PLCB1: variants seen among roughly 807,000 people sequenced by gnomAD.
The protein encoded by PLCB1 is 1-phosphatidylinositol 4,5-bisphosphate phosphodiesterase beta-1.
Under a neutral mutation model 161.8 loss-of-function variants are expected in PLCB1, and 46 were observed. That is an observed-to-expected ratio of 0.28 (90% CI 0.22 to 0.36). The LOEUF is 0.36. Among genes scored for constraint, PLCB1 ranks in the 10% least tolerant of loss-of-function variants. The pLI, the probability that PLCB1 is intolerant of heterozygous loss-of-function variation, is 1.00. For synonymous variants in PLCB1, 517 were observed against 503.7 expected, an observed-to-expected ratio of 1.03 and a Z score of -0.35; for missense variants, 1,016 against 1,472.5, an observed-to-expected ratio of 0.69 and a Z score of 5.07.
chr20:8,607,992 C>A (rs1987804930), intron 3 of PLCB1, among the ~76,000 whole-genome samples: 1 of 151,966 alleles, frequency 6.6e-6, no homozygotes, highest in South Asian at 2.1e-4. Context: ...ATGTTGTACA[C>A]CATATATATA....
intron 2 of PLCB1, among the ~76,000 whole-genome samples, chr20:8,158,112 C>T (rs540972511): frequency 5.3e-5 from 8 of 152,254 alleles, no homozygotes; most frequent in South Asian, 2.1e-4. Flanking sequence ...AAAAATGGTT[C>T]GAGCCATTGG....
chr20:8,680,500 A>C (rs1990186101), intron 9 of PLCB1, among the ~76,000 whole-genome samples: 1 of 152,166 alleles, frequency 6.6e-6, no homozygotes, highest in Non-Finnish European at 1.5e-5. Context: ...TTAATGTATC[A>C]AAAATCTTCA....
intron 31 of PLCB1, among the ~76,000 whole-genome samples, chr20:8,839,600 A>G (rs1023042390): frequency 5.9e-5 from 9 of 152,176 alleles, no homozygotes; most frequent in African/African-American, 2.2e-4. Context: ...AAGTGAAGAA[A>G]CGGAAACCTC....
At chr20:8,716,008 C>CAT (rs1247768072) in intron 12 of PLCB1, 1 of 393,638 alleles carries the variant, frequency 2.5e-6, no homozygotes, top group African/African-American at 2.0e-5. Context: ...CAGCAAATGA[C>CAT]ATGCTGTCCC....
intron 1 of PLCB1, among the ~76,000 whole-genome samples, chr20:8,139,083 T>C (rs1191990920): frequency 2.7e-5 from 3 of 111,000 alleles, no homozygotes; most frequent in Non-Finnish European, 5.7e-5. Flanking sequence ...TTTCAAGGGT[T>C]TTTTTTTTTT....
chr20:8,712,729 A>C (rs1979086071), intron 12 of PLCB1, among the ~76,000 whole-genome samples: 1 of 152,040 alleles, frequency 6.6e-6, no homozygotes, highest in African/African-American at 2.4e-5. Context: ...GGTTTAGTTC[A>C]AACTGGAGGA....
chr20:8,330,970 T>C (rs1158258952), intron 2 of PLCB1, among the ~76,000 whole-genome samples: 2 of 152,232 alleles, frequency 1.3e-5, no homozygotes, highest in Non-Finnish European at 2.9e-5. Flanking sequence ...TTCTGGTACA[T>C]ATGAGGTTAA....
At chr20:8,722,818 CAG>C (rs369385951) in intron 15 of PLCB1, among the ~76,000 whole-genome samples, 253 of 152,160 alleles carry the variant, frequency 1.7e-3, no homozygotes, top group African/African-American at 5.8e-3. Flanking sequence ...ATCTGGGCAA[CAG>C]AGAGAGACCT....
chr20:8,451,842 C>A (rs1981087498), intron 3 of PLCB1, among the ~76,000 whole-genome samples: 1 of 150,960 alleles, frequency 6.6e-6, no homozygotes, highest in Non-Finnish European at 1.5e-5. Flanking sequence ...CTTCTTCTTT[C>A]TTCCATCTCC....
chr20:8,398,883 C>T (rs80109007), intron 3 of PLCB1, among the ~76,000 whole-genome samples: 2,743 of 151,652 alleles, frequency 0.018, 95 homozygotes, highest in African/African-American at 0.063. Flanking sequence ...AATGTTCTCC[C>T]GGTTTATTTT....
At chr20:8,757,892 T>A (rs548121423) in intron 24 of PLCB1, among the ~76,000 whole-genome samples, 1 of 138,544 alleles carries the variant, frequency 7.2e-6, no homozygotes, top group South Asian at 2.3e-4. Context: ...AATAAATAAA[T>A]AAAATAAAAA....
intron 3 of PLCB1, among the ~76,000 whole-genome samples, chr20:8,622,864 G>A (rs1310085730): frequency 6.6e-6 from 1 of 152,126 alleles, no homozygotes; most frequent in East Asian, 1.9e-4. Flanking sequence ...AAAGTAATTG[G>A]GGTTTTGCCA....
chr20:8,316,397 C>T (rs1984653553), intron 2 of PLCB1, among the ~76,000 whole-genome samples: 1 of 152,140 alleles, frequency 6.6e-6, no homozygotes, highest in Non-Finnish European at 1.5e-5. Context: ...TTCACCTAGC[C>T]TGGAGAGAGC....
At chr20:8,663,134 T>G (rs1487318375) in intron 9 of PLCB1, among the ~76,000 whole-genome samples, 1 of 151,922 alleles carries the variant, frequency 6.6e-6, no homozygotes, top group African/African-American at 2.4e-5. Flanking sequence ...TATAAAATGC[T>G]AAGCATAAGA....
At chr20:8,282,165 A>T (rs1013667509) in intron 2 of PLCB1, among the ~76,000 whole-genome samples, 1 of 152,192 alleles carries the variant, frequency 6.6e-6, no homozygotes, top group East Asian at 1.9e-4. Flanking sequence ...AGCATAAGTC[A>T]TACCTTCTGG....
chr20:8,668,822 C>G (rs61354148), intron 9 of PLCB1, among the ~76,000 whole-genome samples: 1 of 152,256 alleles, frequency 6.6e-6, no homozygotes, highest in South Asian at 2.1e-4. Flanking sequence ...ATATTATTAC[C>G]AGCAAAACAC....
chr20:8,236,851 A>C (rs1434758261), intron 2 of PLCB1, among the ~76,000 whole-genome samples: 1 of 152,060 alleles, frequency 6.6e-6, no homozygotes, highest in Admixed American at 6.6e-5. Context: ...AAAGAAAGAA[A>C]TGCAAACACA....
intron 3 of PLCB1, among the ~76,000 whole-genome samples, chr20:8,461,141 T>G (rs1050666957): frequency 1.3e-5 from 2 of 152,178 alleles, no homozygotes; most frequent in African/African-American, 4.8e-5. Context: ...TCTTTATAGC[T>G]CCTTGGCTTT....
At chr20:8,841,801 T>C (rs1986514446) in intron 31 of PLCB1, among the ~76,000 whole-genome samples, 1 of 152,216 alleles carries the variant, frequency 6.6e-6, no homozygotes, top group Non-Finnish European at 1.5e-5. Flanking sequence ...AAGTTCTCAA[T>C]GGACTCTGAG....
Sources: gnomAD v4.1 joint callset for allele counts (sites outside exome capture counted in the v4.1 genomes callset) on GRCh38, gnomAD v4.1.1 for gene constraint, MANE v1.5 for transcripts, NCBI Gene and HGNC (gene_info 2026-07-23, HGNC 2026-07-21) for gene names.